The following WWOX variants were observed in gnomAD, a reference collection of about 807,000 sequenced individuals.
The protein encoded by WWOX is WW domain containing oxidoreductase.
Under a neutral mutation model 46.2 loss-of-function variants are expected in WWOX, and 69 were observed. That is an observed-to-expected ratio of 1.49 (90% CI 1.23 to 1.82). WWOX has a LOEUF of 1.82. WWOX is among the 40% of genes most tolerant of loss of function. The probability of loss-of-function intolerance (pLI) is 0.00; values close to 1 mark genes in which losing one functional copy is unlikely to be tolerated. For synonymous variants in WWOX, 359 were observed against 202.6 expected (o/e 1.77, Z -6.56); for missense variants, 919 against 542.6 (o/e 1.69, Z -6.89).
intron 8 of WWOX, among the ~76,000 whole-genome samples, chr16:78,811,679 C>T (rs574112001): frequency 1.3e-5 from 2 of 152,102 alleles, no homozygotes; most frequent in Non-Finnish European, 2.9e-5. Context: ...CCCCCTTGTC[C>T]TCTTCTTATA....
At chr16:78,869,763 C>G (rs955250001) in intron 8 of WWOX, among the ~76,000 whole-genome samples, 52 of 152,164 alleles carry the variant, frequency 3.4e-4, no homozygotes, top group African/African-American at 1.3e-3. Flanking sequence ...ATAAGTCTTG[C>G]TCGCAGATAG....
chr16:78,424,970 C>T lies in WWOX; in HGVS notation c.706C>T (p.His236Tyr), dbSNP rs781010507. The T allele has an allele frequency of 6.2e-7, 1 of 1,614,170 alleles. No individual in the cohort carries two copies. Among genetic ancestry groups the T allele is most frequent in the Non-Finnish European group, 8.5e-7 (1 of 1,180,030 alleles). ...CACCTTTCAAGTGAATCATCTGGGG[C>T]ACTTCTACCTTGTCCAGCTCCTCCA... ...ETTFQVNHLG[H>Y]FYLVQLLQDV... Residue 236 changes from histidine (H) to tyrosine (Y), a missense_variant, in exon 7 of 9, where the codon CAC becomes TAC. Physicochemically the swap from His to Tyr is moderately conservative, Grantham distance 83 (BLOSUM62 2). Transcript: ENST00000566780.
chr16:78,368,932 G>C (rs907889672), intron 5 of WWOX, among the ~76,000 whole-genome samples: 11 of 152,140 alleles, frequency 7.2e-5, no homozygotes, highest in Non-Finnish European at 5.9e-5. Flanking sequence ...ACTGTCAGTT[G>C]CTCTCTACTG....
intron 8 of WWOX, among the ~76,000 whole-genome samples, chr16:78,575,581 C>T (rs1054009776): frequency 3.9e-5 from 6 of 152,086 alleles, no homozygotes; most frequent in South Asian, 2.1e-4. Flanking sequence ...CTCCCACATG[C>T]CCTCTCTTAA....
intron 5 of WWOX, among the ~76,000 whole-genome samples, chr16:78,380,728 T>C (rs2081937152): frequency 6.6e-6 from 1 of 152,094 alleles, no homozygotes; most frequent in East Asian, 1.9e-4. Context: ...ATAGGGCAGG[T>C]GCTGTTATTA....
intron 8 of WWOX, among the ~76,000 whole-genome samples, chr16:78,672,328 C>T (rs1327138493): frequency 2.6e-5 from 4 of 152,124 alleles, no homozygotes; most frequent in South Asian, 2.1e-4. Context: ...GCTCTCAAGG[C>T]GGAAGTGCTT....
chr16:79,154,789 T>G (rs1444999640), intron 8 of WWOX, among the ~76,000 whole-genome samples: 8 of 152,192 alleles, frequency 5.3e-5, no homozygotes, highest in Non-Finnish European at 1.2e-4. Context: ...ATTTTTTAGG[T>G]CCTCATGAAC....
chr16:79,053,176 T>C (rs1417089925), intron 8 of WWOX, among the ~76,000 whole-genome samples: 2 of 152,222 alleles, frequency 1.3e-5, no homozygotes, highest in African/African-American at 4.8e-5. Flanking sequence ...GATTGCGTTT[T>C]CTATTTTATT....
chr16:78,553,971 G>T (rs1417187615), intron 8 of WWOX, among the ~76,000 whole-genome samples: 1 of 152,112 alleles, frequency 6.6e-6, no homozygotes, highest in Non-Finnish European at 1.5e-5. Flanking sequence ...GGGCTGTGAT[G>T]CTCTACTGAG....
rs1040766131 is a variant in WWOX, at chr16:79,068,632, C to G, written c.1057-142976C>G. 4.0e-5 allele frequency among the ~76,000 whole-genome samples: 6 copies of G among 151,614 alleles called. No individual in the cohort carries two copies. The East Asian group carries it at 1.2e-3, about 30-fold the overall frequency. ...CTGGGCAACATGGTGAGACCCCCAT[C>G]TCTACAAACAACAACAACAAAAAAA... On this transcript the variant is annotated intron_variant, in intron 8 of 8. Transcript: ENST00000566780.
At chr16:78,148,711 C>A (rs936710723) in intron 4 of WWOX, among the ~76,000 whole-genome samples, 31 of 151,760 alleles carry the variant, frequency 2.0e-4, no homozygotes, top group Admixed American at 2.0e-3. Context: ...TCCTGGCTAA[C>A]ACGGTGAAAC....
At chr16:78,458,815 G>C (rs1191250670) in intron 8 of WWOX, among the ~76,000 whole-genome samples, 1 of 152,032 alleles carries the variant, frequency 6.6e-6, no homozygotes, top group Non-Finnish European at 1.5e-5. Flanking sequence ...GTGTGTGTTG[G>C]GGGTGGAATT....
rs117598083 is a variant in WWOX at position 78,766,065 on chromosome 16, C to G, written c.1056+333313C>G. On this transcript the variant is annotated intron_variant, in intron 8 of 8. Transcript: ENST00000566780. Reference sequence around the variant, plus strand: ...AGGCACACAGATGACATGAGCAGTTCCAAAGGAGTGGGACGGGGTGAATGA... The same window carrying G: ...AGGCACACAGATGACATGAGCAGTTGCAAAGGAGTGGGACGGGGTGAATGA... Among the ~76,000 whole-genome samples, 415 of 152,284 alleles carry G rather than the reference C, an allele frequency of 2.7e-3. 2 individuals carry two copies. The highest frequency in any genetic ancestry group is 4.5e-3 in the Non-Finnish European group (308 of 68,026).
At chr16:79,009,412 G>A (rs1215299319) in intron 8 of WWOX, among the ~76,000 whole-genome samples, 4 of 152,138 alleles carry the variant, frequency 2.6e-5, no homozygotes, top group African/African-American at 9.7e-5. Flanking sequence ...GTTGGGAAGA[G>A]AGGAGTGGGC....
At chr16:78,257,300 C>T (rs971337782) in intron 5 of WWOX, among the ~76,000 whole-genome samples, 2 of 152,150 alleles carry the variant, frequency 1.3e-5, no homozygotes, top group African/African-American at 2.4e-5. Context: ...GTTTTCTTTC[C>T]AAGTTTGTGC....
At position 78,700,312 on chromosome 16, in the gene WWOX, C is replaced by CAGAGAG. The variant is rs55638553; in HGVS notation, c.1056+267604_1056+267609dup. Among the ~76,000 whole-genome samples, 781 of 130,494 alleles carry CAGAGAG rather than the reference C, an allele frequency of 6.0e-3. 12 individuals are homozygous for CAGAGAG. Among genetic ancestry groups the CAGAGAG allele is most frequent in the African/African-American group, 0.012 (419 of 35,102 alleles). 85.6% of individuals were successfully genotyped at this position (130,494 alleles called of 152,430 possible). Reference sequence around the variant, plus strand: ...TCTTGCTGTGTCCTCACTTAGTAGACAGAGAGAGAGAGAGAGAGAGAGAGA... The same window carrying CAGAGAG: ...TCTTGCTGTGTCCTCACTTAGTAGACAGAGAGAGAGAGAGAGAGAGAGAGAGAGAGA... On this transcript the variant is annotated intron_variant, in intron 8 of 8. Transcript: ENST00000566780.
intron 8 of WWOX, among the ~76,000 whole-genome samples, chr16:79,148,601 C>A (rs57689936): frequency 0.047 from 7,201 of 152,058 alleles, 576 homozygotes; most frequent in African/African-American, 0.17. Context: ...CTACCAGAAG[C>A]CTTGCTGCAG....
At chr16:78,105,856 C>A (rs115559807) in intron 1 of WWOX, among the ~76,000 whole-genome samples, 2,435 of 152,232 alleles carry the variant, frequency 0.016, 67 homozygotes, top group African/African-American at 0.053. Context: ...GGCTGGACTG[C>A]AGTGGCGTGA....
At position 79,045,284 on chromosome 16, in the gene WWOX, G is replaced by C. The variant is rs376214412; in HGVS notation, c.1057-166324G>C. Among the ~76,000 whole-genome samples, 366 of 152,310 alleles carry C rather than the reference G, an allele frequency of 2.4e-3. 2 individuals are homozygous for C. Among genetic ancestry groups the C allele is most frequent in the African/African-American group, 8.4e-3 (351 of 41,566 alleles). On this transcript the variant is annotated intron_variant, in intron 8 of 8. Transcript: ENST00000566780. ...TTAAATATGCAGCCTCTGGGATTCAGTGATAGCTCATGGGACATTTGACCT... is the reference window on the plus strand; with the variant it reads ...TTAAATATGCAGCCTCTGGGATTCACTGATAGCTCATGGGACATTTGACCT...
Sources: gnomAD v4.1 joint callset for allele counts (sites outside exome capture counted in the v4.1 genomes callset) on GRCh38, gnomAD v4.1.1 for gene constraint, MANE v1.5 for transcripts, NCBI Gene and HGNC (gene_info 2026-07-23, HGNC 2026-07-21) for gene names.